RNF220: variants seen among roughly 807,000 people sequenced by gnomAD.
RNF220 encodes the protein E3 ubiquitin-protein ligase RNF220.
RNF220 carries 7 observed loss-of-function variants against 67.1 expected under a neutral mutation model. The ratio of observed to expected loss-of-function variants is 0.10; its 90% CI spans 0.06 to 0.20. RNF220 has a LOEUF of 0.20. RNF220 is among the 10% of genes least tolerant of loss of function. RNF220 has a pLI of 1.00. For missense variants in RNF220, 565 were observed against 740.3 expected (o/e 0.76, Z 2.75); for synonymous variants, 270 against 283.2 (o/e 0.95, Z 0.47).
chr1:44,502,207 C>T (rs777226556), intron 2 of RNF220, among the ~76,000 whole-genome samples: 7 of 151,962 alleles, frequency 4.6e-5, no homozygotes, highest in Admixed American at 1.3e-4. Context: ...CACACACATA[C>T]ACTTTATGAG....
intron 2 of RNF220, among the ~76,000 whole-genome samples, chr1:44,436,575 C>T (rs1468060490): frequency 6.6e-6 from 1 of 152,100 alleles, no homozygotes; most frequent in Non-Finnish European, 1.5e-5. Flanking sequence ...GAGTCCTGAA[C>T]CTTTTGAGGT....
At chr1:44,440,968 C>T (rs1174194321) in intron 2 of RNF220, among the ~76,000 whole-genome samples, 2 of 152,216 alleles carry the variant, frequency 1.3e-5, no homozygotes, top group Non-Finnish European at 2.9e-5. Context: ...CAGATCAGGA[C>T]TGCATTGCCA....
chr1:44,597,323 A>C (rs1202860333), intron 2 of RNF220, among the ~76,000 whole-genome samples: 10 of 152,152 alleles, frequency 6.6e-5, no homozygotes, highest in Admixed American at 5.9e-4. Flanking sequence ...TGAAATTCAA[A>C]CCCAGGTTAG....
At chr1:44,551,655 A>C (rs1372233526) in intron 2 of RNF220, among the ~76,000 whole-genome samples, 2 of 152,166 alleles carry the variant, frequency 1.3e-5, no homozygotes, top group African/African-American at 4.8e-5. Flanking sequence ...TCAATTTTTA[A>C]ATCTTTACTA....
intron 2 of RNF220, among the ~76,000 whole-genome samples, chr1:44,559,307 C>T (rs995852205): frequency 4.6e-5 from 7 of 152,230 alleles, no homozygotes; most frequent in Admixed American, 2.0e-4. Context: ...GGCTTCCCCT[C>T]GGCCCTAGCA....
chr1:44,543,801 G>T (rs1328095767), intron 2 of RNF220, among the ~76,000 whole-genome samples: 1 of 152,094 alleles, frequency 6.6e-6, no homozygotes, highest in African/African-American at 2.4e-5. Context: ...TCTGGGATCT[G>T]CCTTCTTGAA....
chr1:44,426,726 CA>C (rs33975687), intron 2 of RNF220, among the ~76,000 whole-genome samples: 7,940 of 112,252 alleles, frequency 0.071, 231 homozygotes, highest in Middle Eastern at 0.11. Flanking sequence ...GACTCTGTCT[CA>C]AAAAAAAAAA....
chr1:44,485,681 C>T (rs1032634820), intron 2 of RNF220, among the ~76,000 whole-genome samples: 18 of 152,150 alleles, frequency 1.2e-4, no homozygotes, highest in African/African-American at 4.1e-4. Flanking sequence ...TAATCTCAGT[C>T]GCTTCTGTGA....
intron 2 of RNF220, among the ~76,000 whole-genome samples, chr1:44,605,429 A>C (rs1667207295): frequency 6.6e-6 from 1 of 152,130 alleles, no homozygotes; most frequent in African/African-American, 2.4e-5. Flanking sequence ...CTCTTTGGGG[A>C]TTTAGCGAGG....
chr1:44,473,790 C>CCGA (rs1401313025), intron 2 of RNF220, among the ~76,000 whole-genome samples: 1 of 152,174 alleles, frequency 6.6e-6, no homozygotes, highest in African/African-American at 2.4e-5. Context: ...GCCTGGTTAA[C>CCGA]CGACACTCTG....
chr1:44,521,443 A>C (rs1046931295), intron 2 of RNF220, among the ~76,000 whole-genome samples: 1 of 152,236 alleles, frequency 6.6e-6, no homozygotes, highest in South Asian at 2.1e-4. Context: ...GTAGAGAACA[A>C]TATAGAGTCC....
intron 2 of RNF220, among the ~76,000 whole-genome samples, chr1:44,509,324 G>A (rs1192833610): frequency 6.6e-6 from 1 of 152,086 alleles, no homozygotes; most frequent in African/African-American, 2.4e-5. Context: ...GCCCAGGAGG[G>A]CAGATCACGA....
intron 2 of RNF220, among the ~76,000 whole-genome samples, chr1:44,547,210 C>G (rs2148242905): frequency 6.6e-6 from 1 of 152,282 alleles, no homozygotes; most frequent in South Asian, 2.1e-4. Context: ...CCAAGCCTTC[C>G]CCATTTTAAA....
chr1:44,441,207 G>T (rs561803575), intron 2 of RNF220, among the ~76,000 whole-genome samples: 1 of 152,166 alleles, frequency 6.6e-6, no homozygotes, highest in East Asian at 1.9e-4. Context: ...GTGTCAGGCC[G>T]TGCCTCCCCA....
At position 44,506,159 on chromosome 1, in the gene RNF220, C is replaced by G. The variant is rs1658404533; in HGVS notation, c.625+93437C>G. Among the ~76,000 whole-genome samples the G allele has an allele frequency of 2.6e-5, 4 of 152,348 alleles. No individual in the cohort carries two copies. The South Asian group carries it at 8.3e-4, about 32-fold the overall frequency. ...CACTCTAGCCCAGAAGTTATTGTCC[C>G]TTACATTTCTTAAAAGGATGTGGAA... On this transcript the variant is annotated intron_variant, in intron 2 of 14. Transcript: ENST00000361799.
At chr1:44,487,974 A>AT (rs113894560) in intron 2 of RNF220, among the ~76,000 whole-genome samples, 4,716 of 145,908 alleles carry the variant, frequency 0.032, 198 homozygotes, top group African/African-American at 0.1. Flanking sequence ...TGGCACTGCG[A>AT]TTTTTTTTTT....
chr1:44,515,378 G>A (rs1659374133), intron 2 of RNF220, among the ~76,000 whole-genome samples: 1 of 152,186 alleles, frequency 6.6e-6, no homozygotes, highest in South Asian at 2.1e-4. Context: ...TGTAGTTTGT[G>A]TGGTGATTAT....
intron 2 of RNF220, among the ~76,000 whole-genome samples, chr1:44,509,918 A>G (rs1296773560): frequency 8.2e-5 from 12 of 146,174 alleles, no homozygotes; most frequent in African/African-American, 3.0e-4. Context: ...GAAGGAAGGA[A>G]AGAAAGAAAA....
chr1:44,474,665 C>T (rs1655131235), intron 2 of RNF220, among the ~76,000 whole-genome samples: 1 of 151,742 alleles, frequency 6.6e-6, no homozygotes, highest in African/African-American at 2.4e-5. Context: ...GCTATGATCA[C>T]ACCATCGCAC....
Sources: gnomAD v4.1 joint callset for allele counts (sites outside exome capture counted in the v4.1 genomes callset) on GRCh38, gnomAD v4.1.1 for gene constraint, MANE v1.5 for transcripts, NCBI Gene and HGNC (gene_info 2026-07-23, HGNC 2026-07-21) for gene names.